ALDH3B1: variants seen among roughly 807,000 people sequenced by gnomAD.
The protein encoded by ALDH3B1 is aldehyde dehydrogenase 3 family member B1.
Under a neutral mutation model 46.2 loss-of-function variants are expected in ALDH3B1, and 37 were observed. The ratio of observed to expected loss-of-function variants is 0.80; its 90% CI spans 0.62 to 1.05. The LOEUF (loss-of-function observed/expected upper bound fraction) is 1.05, where lower values mean the gene tolerates loss of function less well. Among genes scored for constraint, ALDH3B1 ranks in the 50% least tolerant of loss-of-function variants. The pLI, the probability that ALDH3B1 is intolerant of heterozygous loss-of-function variation, is 0.00. For missense variants in ALDH3B1, 603 were observed against 665.5 expected (o/e 0.91, Z 1.03); for synonymous variants, 283 against 281.0 (o/e 1.01, Z -0.07).
chr11:68,018,684 C>T, intron 3 of ALDH3B1, 47 bp downstream of exon 3: 1 of 1,550,180 alleles, frequency 6.5e-7, no homozygotes, highest in Non-Finnish European at 8.7e-7. Context: ...GGGATATTTG[C>T]TCCCACAGGG....
At chr11:68,020,420 A>G (rs1857463076) in intron 6 of ALDH3B1, among the ~76,000 whole-genome samples, 1 of 151,954 alleles carries the variant, frequency 6.6e-6, no homozygotes, top group Non-Finnish European at 1.5e-5. Flanking sequence ...TTTTTAGTAA[A>G]GACAGGGTCT....
Position 68,013,168 on chromosome 11 carries a change from G to A in ALDH3B1, c.-1-2129G>A, listed in dbSNP as rs369700219. Among the ~76,000 whole-genome samples, 5 of 152,266 alleles carry A rather than the reference G, an allele frequency of 3.3e-5. No individual in the cohort carries two copies. The East Asian group carries it at 9.7e-4, about 29-fold the overall frequency. ...GGCAGAAGGCGGCCTTGGCTTCTCCGCTTGCCAGGGTCCTGCCCTGGGCAC... is the reference window on the plus strand; with the variant it reads ...GGCAGAAGGCGGCCTTGGCTTCTCCACTTGCCAGGGTCCTGCCCTGGGCAC... On this transcript the variant is annotated intron_variant, in intron 1 of 9. Transcript: ENST00000342456.
chr11:68,013,269 G>A (rs1224820377), intron 1 of ALDH3B1, among the ~76,000 whole-genome samples: 1 of 152,180 alleles, frequency 6.6e-6, no homozygotes, highest in Non-Finnish European at 1.5e-5. Context: ...GGAGAGATGT[G>A]TCCTGTGGCC....
At chr11:68,023,238 C>CA (rs1237544573) in intron 8 of ALDH3B1, among the ~76,000 whole-genome samples, 1 of 151,972 alleles carries the variant, frequency 6.6e-6, no homozygotes, top group Non-Finnish European at 1.5e-5. Flanking sequence ...GAGGTACCAG[C>CA]AGTCCCTACC....
chr11:68,018,386 A>G (rs935464125), intron 2 of ALDH3B1, 141 bp from the exon 3 acceptor site: 2 of 710,872 alleles, frequency 2.8e-6, no homozygotes, highest in South Asian at 1.9e-5. Context: ...GGAAGCACGC[A>G]CTGAACATGG....
In ALDH3B1 at chr11:68,021,669, C is replaced by G; in HGVS notation, c.747C>G (p.Tyr249Ter). ...GCCAGACCTGCGTGGCCCCCGACTA[C>G]GTCCTATGCAGCCCTGAGATGCAGG... ...NAGQTCVAPD[Y>*]VLCSPEMQER... The change falls in exon 7 of 10, where the codon TAC becomes TAG. Residue 249 changes from tyrosine to a stop codon, truncating the protein, a stop_gained. Coordinates refer to ENST00000342456, the MANE Select transcript of ALDH3B1 (RefSeq NM_000694.4). LOFTEE classifies it high-confidence loss of function. 1 of 1,613,878 alleles carries G rather than the reference C, an allele frequency of 6.2e-7. No individual in the cohort carries two copies. The highest frequency in any genetic ancestry group is 8.5e-7 in the Non-Finnish European group (1 of 1,179,938).
In ALDH3B1 at chr11:68,027,809, G is replaced by A. The variant is rs982907061; in HGVS notation, c.1277G>A (p.Arg426His). The A allele has an allele frequency of 1.5e-5, 23 of 1,558,832 alleles. No individual in the cohort carries two copies. Among genetic ancestry groups the A allele is most frequent in the African/African-American group, 4.1e-5 (3 of 73,912 alleles). ...KFSFDTFSHH[R>H]ACLLRSPGME... is the part of the protein sequence containing the mutation. ...TCCTTCGACACCTTCTCCCACCATC[G>A]CGCCTGCCTCCTGCGCAGCCCGGGG... is the stretch of plus-strand genomic sequence containing the variant. Residue 426 changes from arginine (R) to histidine (H), a missense_variant, in exon 10 of 10, where the codon CGC becomes CAC. By Grantham distance (29) the Arg-to-His change is conservative (BLOSUM62 0). Transcript: ENST00000342456.
In ALDH3B1 at chr11:68,019,778, GACT is replaced by G. The variant is rs1223773165; in HGVS notation, c.547_549del (p.Tyr183del). 1 of 1,614,094 alleles carries G rather than the reference GACT, an allele frequency of 6.2e-7. No individual in the cohort carries two copies. Among genetic ancestry groups the G allele is most frequent in the African/African-American group, 1.3e-5 (1 of 75,056 alleles). On this transcript the variant is annotated inframe_deletion, in exon 6 of 10. Transcript: ENST00000342456. ...GGGGCAGCTGCTAGAGCACAGGTTC[GACT>G]ACATCTTCTTCACAGGTGAGGCCGG...
chr11:68,027,684 G>A, intron 9 of ALDH3B1, 65 bp from the exon 10 acceptor site: 1 of 1,490,838 alleles, frequency 6.7e-7, no homozygotes, highest in Non-Finnish European at 9.1e-7. Flanking sequence ...GCCCGCCTAG[G>A]CCCCACTGTC....
upstream of ALDH3B1, among the ~76,000 whole-genome samples, chr11:68,009,208 A>G (rs1006745219): frequency 2.6e-5 from 4 of 152,230 alleles, no homozygotes; most frequent in Non-Finnish European, 4.4e-5. Flanking sequence ...GTAAAATGTT[A>G]GATCTGCAGA....
At chr11:68,022,822 C>T in intron 8 of ALDH3B1, 61 bp downstream of exon 8, 9 of 1,598,240 alleles carry the variant, frequency 5.6e-6, no homozygotes, top group Non-Finnish European at 6.8e-6. Flanking sequence ...CAAGTGGTGG[C>T]AGCAGGGGGG....
rs370455543 is a variant in ALDH3B1, at chr11:68,018,935, C to G, written c.394+42C>G. 2.0e-6 allele frequency: 3 copies of G among 1,534,090 alleles called. No homozygotes were observed. In the South Asian group the frequency reaches 3.6e-5, roughly 18 times the overall value. On this transcript the variant is annotated intron_variant, in intron 4 of 9. Coordinates refer to ENST00000342456, the MANE Select transcript of ALDH3B1 (RefSeq NM_000694.4). ...CCCCTTCCGGTCACCCTTCTCCGCT[C>G]GAGGCCTCAGGGCCACCCATGGATC...
intron 9 of ALDH3B1, among the ~76,000 whole-genome samples, chr11:68,026,476 G>A (rs555625360): frequency 3.3e-5 from 5 of 152,140 alleles, no homozygotes; most frequent in South Asian, 4.1e-4. Context: ...CAATGCCGCC[G>A]GTGTCCTTTA....
chr11:68,019,905 T>G, intron 6 of ALDH3B1, 109 bp downstream of exon 6: 1 of 1,189,218 alleles, frequency 8.4e-7, no homozygotes, highest in Non-Finnish European at 1.2e-6. Context: ...CTCCTCTCTC[T>G]CTCTCTCTGG....
chr11:68,026,785 C>G (rs1207005463), intron 9 of ALDH3B1, among the ~76,000 whole-genome samples: 1 of 152,206 alleles, frequency 6.6e-6, no homozygotes, highest in Non-Finnish European at 1.5e-5. Context: ...CCACAGTGAA[C>G]GATGGCAGGG....
intron 8 of ALDH3B1, 38 bp downstream of exon 8, chr11:68,022,799 G>C (rs755595380): frequency 6.2e-7 from 1 of 1,610,790 alleles, no homozygotes; most frequent in East Asian, 2.2e-5. Context: ...TCAGGAGCCC[G>C]CAGTGGGCAG....
intron 1 of ALDH3B1, among the ~76,000 whole-genome samples, chr11:68,011,337 G>A (rs895976707): frequency 1.3e-5 from 2 of 152,178 alleles, no homozygotes; most frequent in Non-Finnish European, 2.9e-5. Flanking sequence ...TTTTTTCTAA[G>A]GGGTAAGGCA....
At position 68,022,632 on chromosome 11, in the gene ALDH3B1, T is replaced by C. The variant is rs763868385; in HGVS notation, c.987T>C (p.Pro329=). The change falls in exon 8 of 10, where the codon CCT becomes CCC. Residue 329 remains proline, a synonymous_variant. Coordinates refer to ENST00000342456, the MANE Select transcript of ALDH3B1 (RefSeq NM_000694.4). The part of the protein sequence containing the change: ...TVLVDVQEME[P]VMQEEIFGPI... The stretch of plus-strand genomic sequence containing the variant: ...TGGTGGATGTGCAGGAGATGGAGCC[T>C]GTGATGCAGGAGGAGATCTTCGGGC... 6.2e-7 allele frequency: 1 copy of C among 1,613,998 alleles called. No homozygotes were observed. The highest frequency in any genetic ancestry group is 1.1e-5 in the South Asian group (1 of 91,080).
At chr11:68,022,089 G>A (rs1343937694) in intron 7 of ALDH3B1, among the ~76,000 whole-genome samples, 1 of 152,228 alleles carries the variant, frequency 6.6e-6, no homozygotes, top group Non-Finnish European at 1.5e-5. Flanking sequence ...TGGATTCGCT[G>A]AGCTCAGATC....
Sources: allele counts gnomAD v4.1 joint callset (sites outside exome capture counted in the v4.1 genomes callset), GRCh38; gene constraint gnomAD v4.1.1; transcripts MANE v1.5; gene names NCBI Gene and HGNC (gene_info 2026-07-23, HGNC 2026-07-21).